Variants in MNAT1 observed in about 807,000 individuals in gnomAD.
MNAT1 encodes the protein CDK-activating kinase assembly factor MAT1.
Under a neutral mutation model 42.0 loss-of-function variants are expected in MNAT1, and 43 were observed. That is an observed-to-expected ratio of 1.02 (90% CI 0.80 to 1.32). The LOEUF (loss-of-function observed/expected upper bound fraction) is 1.32. Among genes scored for constraint, MNAT1 ranks in the 40% most tolerant of loss-of-function variants. The probability of loss-of-function intolerance (pLI) is 0.00; values close to 1 mark genes in which losing one functional copy is unlikely to be tolerated. For synonymous variants in MNAT1, 118 were observed against 120.0 expected, an observed-to-expected ratio of 0.98 and a Z score of 0.11; for missense variants, 306 against 350.4, an observed-to-expected ratio of 0.87 and a Z score of 1.01.
rs1017102655 is a variant in MNAT1 at position 60,968,612 on chromosome 14, C to T, written c.*263C>T. On this transcript the variant is annotated 3_prime_UTR_variant, in exon 8 of 8. Coordinates refer to ENST00000261245, the MANE Select transcript of MNAT1 (RefSeq NM_002431.4). The stretch of plus-strand genomic sequence containing the variant: ...TGGAAGAGAGGAATAAATAATTCAC[C>T]TATATGTGTTTGAGGTTGTGACAGA... 1 of 959,796 alleles carries T rather than the reference C, an allele frequency of 1.0e-6. No individual in the cohort carries two copies. 59.5% of individuals were successfully genotyped at this position (959,796 alleles called of 1,614,324 possible).
chr14:60,756,131 A>G (rs2030340313), intron 1 of MNAT1, among the ~76,000 whole-genome samples: 1 of 152,182 alleles, frequency 6.6e-6, no homozygotes, highest in African/African-American at 2.4e-5. Context: ...AGCCTATTTA[A>G]TGGACTATGG....
intron 5 of MNAT1, among the ~76,000 whole-genome samples, chr14:60,815,767 T>G (rs2032695494): frequency 1.3e-5 from 2 of 152,234 alleles, no homozygotes; most frequent in African/African-American, 4.8e-5. Context: ...TAAATAATTC[T>G]TAGTAATTTA....
intron 7 of MNAT1, among the ~76,000 whole-genome samples, chr14:60,950,325 A>G (rs2036357288): frequency 6.6e-6 from 1 of 152,202 alleles, no homozygotes; most frequent in Admixed American, 6.5e-5. Flanking sequence ...GAGATGGGAT[A>G]AATTTAAATC....
chr14:60,772,627 CA>C (rs1179255811), intron 1 of MNAT1, among the ~76,000 whole-genome samples: 3 of 150,040 alleles, frequency 2.0e-5, no homozygotes. Context: ...CTTGGCTTTC[CA>C]AAAAAAAATC....
chr14:60,831,388 T>G lies in MNAT1; in HGVS notation c.687+12541T>G, dbSNP rs551532383. Among the ~76,000 whole-genome samples the G allele has an allele frequency of 1.2e-3, 181 of 152,306 alleles. 1 individual carries two copies. Among genetic ancestry groups the G allele is most frequent in the African/African-American group, 4.2e-3 (173 of 41,578 alleles). ...TTCCCCTCCCTGTGTCCATGTGTTC[T>G]CATTGTTCAACTCCCACTTATGAGT... On this transcript the variant is annotated intron_variant, in intron 6 of 7. Coordinates refer to ENST00000261245, the MANE Select transcript of MNAT1 (RefSeq NM_002431.4).
At chr14:60,903,293 A>T (rs997246243) in intron 7 of MNAT1, among the ~76,000 whole-genome samples, 5 of 151,970 alleles carry the variant, frequency 3.3e-5, no homozygotes, top group South Asian at 2.1e-4. Flanking sequence ...ATTATTAAAA[A>T]TTTTTTCAAT....
At position 60,944,329 on chromosome 14, in the gene MNAT1, T is replaced by C. The variant is rs186809327; in HGVS notation, c.810-23900T>C. ...GGGGCCTTTGTGAGGCATTCAGGCT[T>C]ATATGAATTCATGAGGGTGGAGCCT... On this transcript the variant is annotated intron_variant, in intron 7 of 7. Transcript: ENST00000261245. Among the ~76,000 whole-genome samples the C allele has an allele frequency of 1.1e-4, 17 of 152,300 alleles. No individual in the cohort carries two copies. The East Asian group carries it at 3.1e-3, about 28-fold the overall frequency.
In MNAT1 at chr14:60,923,460, C is replaced by G. The variant is rs147349584; in HGVS notation, c.809+43625C>G. ...TGCTTCTGTTACATTTGCTACCTGT[C>G]TTAACCTACTATATCTTATCTTTAC... is the stretch of plus-strand genomic sequence containing the variant. On this transcript the variant is annotated intron_variant, in intron 7 of 7. Transcript: ENST00000261245. Among the ~76,000 whole-genome samples, 19 of 152,286 alleles carry G rather than the reference C, an allele frequency of 1.2e-4. 1 individual carries two copies. The East Asian group carries it at 3.7e-3, about 29-fold the overall frequency.
intron 7 of MNAT1, among the ~76,000 whole-genome samples, chr14:60,943,107 T>A (rs113545469): frequency 1.4e-5 from 2 of 147,910 alleles, no homozygotes; most frequent in African/African-American, 5.0e-5. Context: ...CAGGCTGTAG[T>A]GCAGTGCCGC....
At chr14:60,792,608 G>C (rs1242287159) in intron 1 of MNAT1, among the ~76,000 whole-genome samples, 2 of 152,136 alleles carry the variant, frequency 1.3e-5, no homozygotes, top group African/African-American at 4.8e-5. Flanking sequence ...CTTAAGTATA[G>C]AGTTTTTGAC....
At chr14:60,938,703 T>G (rs2036066985) in intron 7 of MNAT1, among the ~76,000 whole-genome samples, 1 of 151,628 alleles carries the variant, frequency 6.6e-6, no homozygotes, top group South Asian at 2.1e-4. Context: ...CTTTTTTTGT[T>G]GTGTCTCTGC....
rs1566779740 is a variant in MNAT1, at chr14:60,818,748, G to A, written c.588G>A (p.Leu196=). ...AGAGTTCTGATCTCCCTGTTGCTCT[G>A]CTTTTGGCTCAGCATAAAGATAGAT... is the stretch of plus-strand genomic sequence containing the variant. ...ELESSDLPVA[L]LLAQHKDRST... Residue 196 remains leucine (L), a synonymous_variant, in exon 6 of 8, where the codon CTG becomes CTA. Transcript: ENST00000261245. 3 of 1,610,354 alleles carry A rather than the reference G, an allele frequency of 1.9e-6. No individual in the cohort carries two copies. Among genetic ancestry groups the A allele is most frequent in the Non-Finnish European group, 2.5e-6 (3 of 1,177,554 alleles).
intron 7 of MNAT1, among the ~76,000 whole-genome samples, chr14:60,937,912 G>A (rs1363201425): frequency 6.6e-6 from 1 of 152,104 alleles, no homozygotes; most frequent in Non-Finnish European, 1.5e-5. Flanking sequence ...TCATTGAGCA[G>A]TGGTTTGTAG....
At chr14:60,798,328 GC>G (rs1229491786) in intron 3 of MNAT1, among the ~76,000 whole-genome samples, 168 bp downstream of exon 3, 2 of 152,108 alleles carry the variant, frequency 1.3e-5, no homozygotes, top group African/African-American at 2.4e-5. Context: ...CAAATTGAAG[GC>G]ATACTTAAGT....
At chr14:60,916,688 A>C (rs951649985) in intron 7 of MNAT1, among the ~76,000 whole-genome samples, 1 of 152,226 alleles carries the variant, frequency 6.6e-6, no homozygotes, top group African/African-American at 2.4e-5. Flanking sequence ...GCAGTGGCTT[A>C]TGCCTGTAAT....
chr14:60,749,989 C>T (rs909738200), intron 1 of MNAT1, among the ~76,000 whole-genome samples: 1 of 152,164 alleles, frequency 6.6e-6, no homozygotes, highest in African/African-American at 2.4e-5. Context: ...AAACTTACCT[C>T]ATCCTAAGAA....
intron 6 of MNAT1, among the ~76,000 whole-genome samples, chr14:60,869,131 C>T (rs1594817354): frequency 1.3e-5 from 2 of 149,080 alleles, no homozygotes; most frequent in African/African-American, 4.9e-5. Context: ...CTCCACCTCC[C>T]GGGTTCAAGC....
rs957172443 is a variant in MNAT1 at position 60,780,185 on chromosome 14, G to A, written c.90-16032G>A. ...CATAAAATACCTAAATAATGTGGTG[G>A]AACAACTAAAAGATTGGTTATACAA... On this transcript the variant is annotated intron_variant, in intron 1 of 7. Transcript: ENST00000261245. 34 of 1,512,408 alleles carry A rather than the reference G, an allele frequency of 2.2e-5. No individual in the cohort carries two copies. The African/African-American group carries it at 4.5e-4, about 20-fold the overall frequency. 93.7% of individuals were successfully genotyped at this position (1,512,408 alleles called of 1,614,324 possible).
intron 7 of MNAT1, 67 bp from the exon 8 acceptor site, chr14:60,968,162 C>CT: frequency 8.2e-7 from 1 of 1,219,578 alleles, no homozygotes; most frequent in Non-Finnish European, 1.2e-6. Flanking sequence ...TTTACTATTG[C>CT]TTTTTAAAAT....
Sources: gnomAD v4.1 joint callset for allele counts (sites outside exome capture counted in the v4.1 genomes callset) on GRCh38, gnomAD v4.1.1 for gene constraint, MANE v1.5 for transcripts, NCBI Gene and HGNC (gene_info 2026-07-23, HGNC 2026-07-21) for gene names.